FGF17: variants seen among roughly 807,000 people sequenced by gnomAD.
FGF17 encodes fibroblast growth factor 17.
In FGF17, 5 loss-of-function variants were observed where a neutral mutation model predicts 23.5. The ratio of observed to expected loss-of-function variants is 0.21; its 90% confidence interval spans 0.11 to 0.45. FGF17 has a LOEUF of 0.45. Among genes scored for constraint, FGF17 ranks in the 20% least tolerant of loss-of-function variants. The pLI, the probability that FGF17 is intolerant of heterozygous loss-of-function variation, is 0.99. For missense variants in FGF17, 221 were observed against 306.9 expected (o/e 0.72, Z 2.09); for synonymous variants, 136 against 123.0 (o/e 1.11, Z -0.70).
In FGF17 at chr8:22,042,866, C is replaced by G; in HGVS notation, c.-63C>G. On this transcript the variant is annotated 5_prime_UTR_variant, in exon 1 of 5. Coordinates refer to ENST00000359441, the MANE Select transcript of FGF17 (RefSeq NM_003867.4). The stretch of plus-strand genomic sequence containing the variant: ...TTCTCTGGGACTCTACCCCTGGGGA[C>G]TTCCCACATCTGCTCCTGAGCTTGG... 1 of 1,583,228 alleles carries G rather than the reference C, an allele frequency of 6.3e-7. No individual in the cohort carries two copies. The highest frequency in any genetic ancestry group is 8.7e-7 in the Non-Finnish European group (1 of 1,155,166).
At chr8:22,045,820 C>A (rs1800852526) in intron 2 of FGF17, 10 of 1,332,806 alleles carry the variant, frequency 7.5e-6, no homozygotes, top group Non-Finnish European at 9.7e-6. Flanking sequence ...CGGGATAGAA[C>A]CCTGAGGGCT....
chr8:22,043,204 T>A (rs759910488), intron 2 of FGF17, 23 bp downstream of exon 2: 3 of 1,611,932 alleles, frequency 1.9e-6, no homozygotes, highest in Non-Finnish European at 1.7e-6. Flanking sequence ...TCCCACCGGC[T>A]TTCCCCCAAT....
chr8:22,045,896 C>G (rs1800854464), intron 2 of FGF17: 2 of 1,452,348 alleles, frequency 1.4e-6, no homozygotes, highest in African/African-American at 2.8e-5. Context: ...CCAGCCTGGG[C>G]AGACCCCAGT....
At chr8:22,042,586 T>C, upstream of FGF17, 1 of 523,822 alleles carries the variant, frequency 1.9e-6, no homozygotes, top group Non-Finnish European at 3.4e-6. Context: ...CAGGGCCACC[T>C]CCTTCAGAAG....
intron 2 of FGF17, 57 bp downstream of exon 2, chr8:22,043,238 C>G: frequency 6.4e-7 from 1 of 1,553,216 alleles, no homozygotes; most frequent in Non-Finnish European, 8.8e-7. Flanking sequence ...CTGACCAGGG[C>G]GGGTGCAAGG....
chr8:22,045,869 C>T (rs1800853654), intron 2 of FGF17: 3 of 1,408,738 alleles, frequency 2.1e-6, no homozygotes, highest in South Asian at 3.0e-5. Context: ...GGGCTGTGCT[C>T]TGTCAATAAG....
intron 2 of FGF17, chr8:22,044,544 G>A (rs1040875564): frequency 3.6e-5 from 10 of 278,820 alleles, no homozygotes; most frequent in Non-Finnish European, 4.9e-5. Context: ...GCCAGAGGAG[G>A]CCGTCGGCCA....
intron 4 of FGF17, among the ~76,000 whole-genome samples, chr8:22,046,950 A>ATTTT (rs3038873): frequency 0.021 from 2,584 of 120,494 alleles, 103 homozygotes; most frequent in Admixed American, 0.038. Flanking sequence ...TGCCCAGCTA[A>ATTTT]TTTTTTTTTT....
intron 2 of FGF17, chr8:22,045,909 CT>C: frequency 6.8e-7 from 1 of 1,476,388 alleles, no homozygotes. Flanking sequence ...ACCCCAGTCC[CT>C]TCTGTAAGGT....
chr8:22,046,032 C>T, intron 2 of FGF17, 82 bp from the exon 3 acceptor site: 1 of 1,611,626 alleles, frequency 6.2e-7, no homozygotes, highest in Non-Finnish European at 8.5e-7. Flanking sequence ...ATATTCACCT[C>T]CTCACCCCTC....
chr8:22,043,023 T>A, intron 1 of FGF17, 60 bp downstream of exon 1: 6 of 1,604,176 alleles, frequency 3.7e-6, no homozygotes, highest in Non-Finnish European at 5.1e-6. Flanking sequence ...AGGGCAGCCC[T>A]CCTCTTCCCG....
chr8:22,042,862 G>C lies in FGF17; in HGVS notation c.-67G>C. The stretch of plus-strand genomic sequence containing the variant: ...TGGCTTCTCTGGGACTCTACCCCTG[G>C]GGACTTCCCACATCTGCTCCTGAGC... On this transcript the variant is annotated 5_prime_UTR_variant, in exon 1 of 5. Transcript: ENST00000359441. 3 of 1,568,704 alleles carry C rather than the reference G, an allele frequency of 1.9e-6. No homozygotes were observed. The highest frequency in any genetic ancestry group is 2.6e-6 in the Non-Finnish European group (3 of 1,142,950).
At chr8:22,041,369 G>A (rs1033250009), upstream of FGF17, among the ~76,000 whole-genome samples, 12 of 152,080 alleles carry the variant, frequency 7.9e-5, no homozygotes, top group East Asian at 3.9e-4. Context: ...TGAGAGTTTC[G>A]CTCCCCTGGT....
intron 2 of FGF17, chr8:22,045,160 G>A: frequency 1.0e-6 from 1 of 985,514 alleles, no homozygotes; most frequent in Non-Finnish European, 1.2e-6. Flanking sequence ...CTAGCTGGGA[G>A]GCGGTACTCC....
At chr8:22,047,109 C>T (rs1021712835) in intron 4 of FGF17, among the ~76,000 whole-genome samples, 1 of 152,082 alleles carries the variant, frequency 6.6e-6, no homozygotes, top group Non-Finnish European at 1.5e-5. Flanking sequence ...TTAAATGAGT[C>T]CCCGGGACTC....
intron 3 of FGF17, 101 bp downstream of exon 3, chr8:22,046,392 G>A: frequency 2.7e-6 from 4 of 1,497,824 alleles, no homozygotes; most frequent in Middle Eastern, 1.9e-4. Context: ...TGTCAGGGCT[G>A]AGGGCCCCAA....
chr8:22,044,556 G>C (rs1296762770), intron 2 of FGF17: 2 of 395,878 alleles, frequency 5.1e-6, no homozygotes, highest in African/African-American at 4.3e-5. Flanking sequence ...CGTCGGCCAA[G>C]AGGGGCGGAG....
chr8:22,046,217 G>A lies in FGF17; in HGVS notation c.176G>A (p.Ser59Asn). ...CAGATCCGCGAGTACCAACTCTACA[G>A]CAGGACCAGTGGCAAGCACGTGCAG... ...RRQIREYQLY[S>N]RTSGKHVQVT... Residue 59 changes from serine (S) to asparagine (N), a missense_variant, in exon 3 of 5, where the codon AGC becomes AAC. This residue lies in a region of FGF17 where 58 missense variants were observed against 121.0 expected (regional missense o/e 0.48). Coordinates refer to ENST00000359441, the MANE Select transcript of FGF17 (RefSeq NM_003867.4). 2 of 1,614,092 alleles carry A rather than the reference G, an allele frequency of 1.2e-6. No homozygotes were observed. The highest frequency in any genetic ancestry group is 1.7e-6 in the Non-Finnish European group (2 of 1,180,048).
upstream of FGF17, among the ~76,000 whole-genome samples, chr8:22,042,062 C>T (rs991586601): frequency 1.5e-4 from 23 of 152,216 alleles, no homozygotes; most frequent in African/African-American, 5.5e-4. Flanking sequence ...ACTTGACCCC[C>T]CAACACCCTG....
Sources: gnomAD v4.1 joint callset for allele counts (sites outside exome capture counted in the v4.1 genomes callset) on GRCh38, gnomAD v4.1.1 for gene constraint, gnomAD v4.1.1 regional missense constraint, MANE v1.5 for transcripts, NCBI Gene and HGNC (gene_info 2026-07-23, HGNC 2026-07-21) for gene names.